OR56A3: variants seen among roughly 807,000 people sequenced by gnomAD.
OR56A3 encodes olfactory receptor family 56 subfamily A member 3, also known as olfactory receptor 56A3.
A neutral mutation model predicts 17.5 loss-of-function variants in OR56A3; 23 were observed. That is an observed-to-expected ratio of 1.32 (90% CI 0.95 to 1.87). The LOEUF (loss-of-function observed/expected upper bound fraction) is 1.87. OR56A3 is among the 40% of genes most tolerant of loss of function. The probability of loss-of-function intolerance (pLI) is 0.00; values close to 1 mark genes in which losing one functional copy is unlikely to be tolerated. For missense variants in OR56A3, 366 were observed against 380.1 expected (o/e 0.96, Z 0.31); for synonymous variants, 175 against 150.6 (o/e 1.16, Z -1.19).
chr11:5,949,751 A>G lies in OR56A3; in HGVS notation c.*1457A>G, dbSNP rs1158771789. 1 of 152,150 alleles carries G rather than the reference A, an allele frequency of 6.6e-6. No homozygotes were observed. The highest frequency in any genetic ancestry group is 1.5e-5 in the Non-Finnish European group (1 of 68,034). The allele number at this position is 152,150 out of a possible 1,614,324, so 9.4% of individuals were successfully genotyped here. On this transcript the variant is annotated 3_prime_UTR_variant, in exon 3 of 3. Coordinates refer to ENST00000641160, the MANE Select transcript of OR56A3 (RefSeq NM_001003443.3). ...GAATTCCGCAGAGCTCTCTCCGTTC[A>G]TTTCTCTTCTCCATCTTGCAAAAAA...
chr11:5,973,381 C>G, the OR56A3 span, among the ~76,000 whole-genome samples: 2 of 152,208 alleles, frequency 1.3e-5, no homozygotes, highest in Admixed American at 1.3e-4. Flanking sequence ...GGACTAAATT[C>G]CTGTTAATTT....
At chr11:5,944,045 G>A (rs1847854593) in intron 1 of OR56A3, among the ~76,000 whole-genome samples, 1 of 152,176 alleles carries the variant, frequency 6.6e-6, no homozygotes, top group Non-Finnish European at 1.5e-5. Flanking sequence ...AGAAGTGAAT[G>A]AACATAGTGC....
chr11:5,970,651 G>A, the OR56A3 span, among the ~76,000 whole-genome samples: 2 of 151,032 alleles, frequency 1.3e-5, no homozygotes, highest in Non-Finnish European at 2.9e-5. Flanking sequence ...AAACTGAGGG[G>A]CAAAAGACTA....
chr11:5,954,085 C>T (rs1342923661), downstream of OR56A3, among the ~76,000 whole-genome samples: 1 of 152,176 alleles, frequency 6.6e-6, no homozygotes, highest in African/African-American at 2.4e-5. Context: ...AAAGCTTACT[C>T]ATTAAAGAGA....
At chr11:6,005,725 G>A in the OR56A3 span, among the ~76,000 whole-genome samples, 1 of 152,170 alleles carries the variant, frequency 6.6e-6, no homozygotes, top group Non-Finnish European at 1.5e-5. Context: ...TTCAGAGGTG[G>A]CACCTTCTCA....
At chr11:6,013,797 C>G in the OR56A3 span, among the ~76,000 whole-genome samples, 2 of 152,166 alleles carry the variant, frequency 1.3e-5, no homozygotes, top group East Asian at 3.9e-4. Flanking sequence ...CCAGCATTGT[C>G]TGCCACCACC....
At chr11:5,942,774 G>A (rs1258985422) in intron 1 of OR56A3, among the ~76,000 whole-genome samples, 1 of 152,256 alleles carries the variant, frequency 6.6e-6, no homozygotes, top group Non-Finnish European at 1.5e-5. Flanking sequence ...CTAGCTACCT[G>A]TCACTGGATG....
the OR56A3 span, among the ~76,000 whole-genome samples, chr11:6,013,560 G>T: frequency 1.3e-5 from 2 of 152,128 alleles, no homozygotes; most frequent in African/African-American, 2.4e-5. Flanking sequence ...GGGTGGGCAT[G>T]GCACCCTGAG....
chr11:5,961,949 A>C, the OR56A3 span, among the ~76,000 whole-genome samples: 1 of 152,126 alleles, frequency 6.6e-6, no homozygotes, highest in Non-Finnish European at 1.5e-5. Context: ...GAAGGGGTGA[A>C]AGTGGGCATC....
intron 2 of OR56A3, among the ~76,000 whole-genome samples, chr11:5,946,087 A>G (rs1159102916): frequency 6.6e-6 from 1 of 152,196 alleles, no homozygotes; most frequent in Non-Finnish European, 1.5e-5. Context: ...TTGCCAAGCT[A>G]CAGTGTTCTT....
intron 1 of OR56A3, 124 bp from the exon 2 acceptor site, chr11:5,944,682 T>C (rs1443859184): frequency 6.6e-6 from 1 of 152,206 alleles, no homozygotes; most frequent in African/African-American, 2.4e-5. Context: ...ATGTGAAAGA[T>C]AACTGCTAAA....
In OR56A3 at chr11:5,947,948, T is replaced by G. The variant is rs1189744403; in HGVS notation, c.602T>G (p.Leu201Arg). Residue 201 changes from leucine to arginine, a missense_variant, in exon 3 of 3, where the codon CTT (leucine) becomes CGT (arginine). Coordinates refer to ENST00000641160, the MANE Select transcript of OR56A3 (RefSeq NM_001003443.3). ...LSCDDVTINHLYQFAGGWTLL... is the reference protein window; with the variant it reads ...LSCDDVTINHRYQFAGGWTLL... ...TGCGATGATGTCACCATCAATCACC[T>G]TTACCAATTTGCTGGAGGCTGGACT... is the stretch of plus-strand genomic sequence containing the variant. 1 of 1,614,080 alleles carries G rather than the reference T, an allele frequency of 6.2e-7. No individual in the cohort carries two copies. The highest frequency in any genetic ancestry group is 8.5e-7 in the Non-Finnish European group (1 of 1,180,028).
chr11:5,961,383 C>T, the OR56A3 span, among the ~76,000 whole-genome samples: 1 of 152,300 alleles, frequency 6.6e-6, no homozygotes, highest in Non-Finnish European at 1.5e-5. Flanking sequence ...ACATAGGAGA[C>T]TCCATTTTGT....
chr11:5,947,364 T>C lies in OR56A3; in HGVS notation c.18T>C (p.Asn6=). 1 of 1,599,504 alleles carries C rather than the reference T, an allele frequency of 6.3e-7. No homozygotes were observed. The change falls in exon 3 of 3, where the codon AAT becomes AAC. Residue 6 remains asparagine, a synonymous_variant. Transcript: ENST00000641160. The part of the protein sequence containing the change: MTTHR[N]DTLSTEASDF... ...GGGAAAATATGACAACACACCGAAA[T>C]GACACCCTCTCCACTGAAGCTTCAG...
chr11:5,953,680 T>C (rs118148492), downstream of OR56A3, among the ~76,000 whole-genome samples: 3,296 of 152,302 alleles, frequency 0.022, 51 homozygotes, highest in South Asian at 0.045. Context: ...TTCCCTGTCA[T>C]TGACATAGTA....
the OR56A3 span, among the ~76,000 whole-genome samples, chr11:6,005,363 T>C: frequency 7.9e-5 from 12 of 152,296 alleles, no homozygotes; most frequent in African/African-American, 2.9e-4. Flanking sequence ...AAGTAATGAC[T>C]AGTAATTAGG....
At chr11:5,989,698 G>C in the OR56A3 span, among the ~76,000 whole-genome samples, 1 of 152,064 alleles carries the variant, frequency 6.6e-6, no homozygotes, top group South Asian at 2.1e-4. Flanking sequence ...TCAGATAATA[G>C]GTACACTAAA....
the OR56A3 span, among the ~76,000 whole-genome samples, chr11:5,959,436 C>G: frequency 6.6e-6 from 1 of 152,016 alleles, no homozygotes; most frequent in Admixed American, 6.5e-5. Context: ...TTTCTTATAC[C>G]TGTTGGTCAT....
chr11:5,974,286 T>C, the OR56A3 span, among the ~76,000 whole-genome samples: 2 of 152,106 alleles, frequency 1.3e-5, no homozygotes, highest in East Asian at 3.9e-4. Context: ...TTTGTATTTT[T>C]AATAGAGACG....
Sources: gnomAD v4.1 joint callset for allele counts (sites outside exome capture counted in the v4.1 genomes callset) on GRCh38, gnomAD v4.1.1 for gene constraint, MANE v1.5 for transcripts, NCBI Gene and HGNC (gene_info 2026-07-23, HGNC 2026-07-21) for gene names.